DCC: variants seen among roughly 807,000 people sequenced by gnomAD.
The protein encoded by DCC is netrin receptor DCC.
In DCC, 58 loss-of-function variants were observed where a neutral mutation model predicts 172.5. That is an observed-to-expected ratio of 0.34 (90% CI 0.27 to 0.42). The LOEUF (loss-of-function observed/expected upper bound fraction) is 0.42. Among genes scored for constraint, DCC ranks in the 10% least tolerant of loss-of-function variants. DCC has a pLI of 1.00. For missense variants in DCC, 1,740 were observed against 1,791.0 expected (o/e 0.97, Z 0.51); for synonymous variants, 709 against 644.5 (o/e 1.10, Z -1.52).
At chr18:53,528,210 A>G (rs2046480931) in intron 28 of DCC, among the ~76,000 whole-genome samples, 1 of 152,132 alleles carries the variant, frequency 6.6e-6, no homozygotes, top group Non-Finnish European at 1.5e-5. Context: ...ATTTTTCTTG[A>G]CTTAATTTTT....
intron 9 of DCC, among the ~76,000 whole-genome samples, chr18:53,187,145 T>C (rs1227334619): frequency 6.7e-6 from 1 of 149,238 alleles, no homozygotes; most frequent in African/African-American, 2.5e-5. Context: ...TTTTTTGAGA[T>C]GGAATCTTGC....
At chr18:53,477,228 C>T (rs1157011705) in intron 25 of DCC, among the ~76,000 whole-genome samples, 5 of 152,110 alleles carry the variant, frequency 3.3e-5, no homozygotes, top group African/African-American at 7.2e-5. Flanking sequence ...AGGCTGGTCT[C>T]AAACTCCTGG....
chr18:52,620,250 G>A (rs1315147693), intron 1 of DCC, among the ~76,000 whole-genome samples: 1 of 152,206 alleles, frequency 6.6e-6, no homozygotes. Context: ...GGAGGAGGTT[G>A]GACAGTTATG....
chr18:52,593,466 A>T (rs72914715), intron 1 of DCC, among the ~76,000 whole-genome samples: 41,849 of 152,044 alleles, frequency 0.28, 6,542 homozygotes, highest in Middle Eastern at 0.37. Flanking sequence ...AACAATTAAC[A>T]GTTCATTTAT....
In DCC at chr18:53,209,100, A is replaced by T. The variant is rs372078004; in HGVS notation, c.1861+1283A>T. On this transcript the variant is annotated intron_variant, in intron 11 of 28. Transcript: ENST00000442544. The stretch of plus-strand genomic sequence containing the variant: ...AGGCATAGGCCACAGCACCCAGCTA[A>T]TATTTTTATTTTTTGCAGAGGCAGG... Among the ~76,000 whole-genome samples, 10 of 152,266 alleles carry T rather than the reference A, an allele frequency of 6.6e-5. No homozygotes were observed. The East Asian group carries it at 1.7e-3, about 26-fold the overall frequency.
intron 1 of DCC, among the ~76,000 whole-genome samples, chr18:52,661,648 A>G (rs1384753385): frequency 6.6e-6 from 1 of 152,214 alleles, no homozygotes; most frequent in Non-Finnish European, 1.5e-5. Flanking sequence ...ACCCAGCCCC[A>G]CTTGTGCACA....
At chr18:52,556,409 A>G (rs954543081) in intron 1 of DCC, among the ~76,000 whole-genome samples, 1 of 152,148 alleles carries the variant, frequency 6.6e-6, no homozygotes, top group Non-Finnish European at 1.5e-5. Context: ...GGATAATGGT[A>G]GGTAGGTTAG....
chr18:53,022,220 G>A (rs1394929423), intron 5 of DCC, among the ~76,000 whole-genome samples: 1 of 151,912 alleles, frequency 6.6e-6, no homozygotes, highest in East Asian at 1.9e-4. Context: ...TTTAAAAAGG[G>A]TTAACCTCAA....
intron 1 of DCC, among the ~76,000 whole-genome samples, chr18:52,535,383 G>A (rs2032259821): frequency 6.6e-6 from 1 of 152,180 alleles, no homozygotes; most frequent in Non-Finnish European, 1.5e-5. Context: ...CGTGAGAGAA[G>A]AAAAGAACAA....
At position 53,441,846 on chromosome 18, in the gene DCC, G is replaced by A. The variant is rs530650363; in HGVS notation, c.3229+6637G>A. ...GTTTCTGGCTTGCTGAAACCCGTTAGAGGGTCTGTGATTGCATTTAAGATA... is the reference window on the plus strand; with the variant it reads ...GTTTCTGGCTTGCTGAAACCCGTTAAAGGGTCTGTGATTGCATTTAAGATA... On this transcript the variant is annotated intron_variant, in intron 22 of 28. Coordinates refer to ENST00000442544, the MANE Select transcript of DCC (RefSeq NM_005215.4). Among the ~76,000 whole-genome samples the A allele has an allele frequency of 3.9e-5, 6 of 152,248 alleles. No homozygotes were observed. The South Asian group carries it at 1.0e-3, about 26-fold the overall frequency.
Position 53,517,275 on chromosome 18 carries a change from A to ACAT in DCC, c.4112-9339_4112-9337dup, listed in dbSNP as rs1173421159. ...AGAACCCATGGACACAGGAAGGGGA[A>ACAT]CATCACACTCTGGGGACTGTTGTGG... On this transcript the variant is annotated intron_variant, in intron 27 of 28. Coordinates refer to ENST00000442544, the MANE Select transcript of DCC (RefSeq NM_005215.4). Among the ~76,000 whole-genome samples the ACAT allele has an allele frequency of 6.0e-5, 9 of 150,992 alleles. No homozygotes were observed. In the East Asian group the frequency reaches 1.8e-3, roughly 30 times the overall value.
intron 20 of DCC, among the ~76,000 whole-genome samples, chr18:53,411,887 G>A (rs1014477971): frequency 7.2e-5 from 11 of 152,080 alleles, no homozygotes; most frequent in African/African-American, 2.4e-4. Context: ...TCATTTTGTG[G>A]CAGCATGAAA....
chr18:53,097,097 A>C (rs1349581932), intron 7 of DCC, among the ~76,000 whole-genome samples: 1 of 152,176 alleles, frequency 6.6e-6, no homozygotes, highest in Non-Finnish European at 1.5e-5. Flanking sequence ...AGTGAGACAA[A>C]AAGTTGTATT....
chr18:52,682,429 G>T (rs1332209101), intron 1 of DCC, among the ~76,000 whole-genome samples: 7 of 151,990 alleles, frequency 4.6e-5, no homozygotes, highest in African/African-American at 1.4e-4. Flanking sequence ...TAGGAACAAT[G>T]GGAAGGAAGG....
intron 2 of DCC, among the ~76,000 whole-genome samples, chr18:52,873,702 G>T (rs1303279029): frequency 6.6e-6 from 1 of 152,178 alleles, no homozygotes; most frequent in Non-Finnish European, 1.5e-5. Flanking sequence ...TTGCTGTCTT[G>T]TGGGTATATG....
intron 23 of DCC, among the ~76,000 whole-genome samples, chr18:53,457,386 A>G (rs1027085082): frequency 6.6e-6 from 1 of 152,198 alleles, no homozygotes; most frequent in African/African-American, 2.4e-5. Context: ...GCTGGTTTCA[A>G]TTTTATCTTG....
At chr18:53,521,802 ATAAAT>A (rs2046402050) in intron 27 of DCC, among the ~76,000 whole-genome samples, 2 of 152,134 alleles carry the variant, frequency 1.3e-5, no homozygotes, top group Non-Finnish European at 2.9e-5. Context: ...TTAAAATAAA[ATAAAT>A]AGGTTTTATG....
intron 1 of DCC, among the ~76,000 whole-genome samples, chr18:52,672,763 T>G (rs1023271773): frequency 5.3e-5 from 8 of 150,600 alleles, no homozygotes; most frequent in Non-Finnish European, 8.8e-5. Context: ...GATGAAGACC[T>G]CACATTGAAT....
At chr18:53,459,880 C>T (rs572436032) in intron 24 of DCC, among the ~76,000 whole-genome samples, 52 of 151,768 alleles carry the variant, frequency 3.4e-4, no homozygotes, top group Non-Finnish European at 5.9e-4. Context: ...ACTGTCAATT[C>T]CCTGTTTTAA....
Sources: gnomAD v4.1 joint callset for allele counts (sites outside exome capture counted in the v4.1 genomes callset) on GRCh38, gnomAD v4.1.1 for gene constraint, MANE v1.5 for transcripts, NCBI Gene and HGNC (gene_info 2026-07-23, HGNC 2026-07-21) for gene names.